Variants in ZNF626 observed in about 807,000 individuals in gnomAD.
The protein encoded by ZNF626 is CTC-513N18.7.
Under a neutral mutation model 11.7 loss-of-function variants are expected in ZNF626, and 4 were observed. That is an observed-to-expected ratio of 0.34 (90% CI 0.17 to 0.78). The LOEUF (loss-of-function observed/expected upper bound fraction) is 0.78. Among genes scored for constraint, ZNF626 ranks in the 30% least tolerant of loss-of-function variants. ZNF626 has a pLI of 0.57. For synonymous variants in ZNF626, 179 were observed against 198.6 expected (o/e 0.90, Z 0.83); for missense variants, 588 against 587.1 (o/e 1.00, Z -0.01).
chr19:20,629,115 G>C (rs555897293), intron 3 of ZNF626, among the ~76,000 whole-genome samples: 1 of 152,220 alleles, frequency 6.6e-6, no homozygotes, highest in East Asian at 1.9e-4. Flanking sequence ...TTATTTCTGA[G>C]GGCTCTGTTC....
At chr19:20,655,093 CAG>C (rs1970190408) in intron 1 of ZNF626, among the ~76,000 whole-genome samples, 1 of 139,016 alleles carries the variant, frequency 7.2e-6, no homozygotes, top group African/African-American at 2.9e-5. Context: ...GCCTCGGCAA[CAG>C]AGTGAGACTG....
At position 20,655,260 on chromosome 19, in the gene ZNF626, C is replaced by T. The variant is rs530831734; in HGVS notation, c.3+6184G>A. On this transcript the variant is annotated intron_variant, in intron 1 of 3. Transcript: ENST00000601440. The stretch of plus-strand genomic sequence containing the variant: ...TTATACCCTGAACTGTTCTTGCTTT[C>T]GCAGTATAAGTACTTCAGCCTGCAA... Among the ~76,000 whole-genome samples the T allele has an allele frequency of 4.6e-5, 7 of 152,294 alleles. No individual in the cohort carries two copies. In the South Asian group the frequency reaches 1.5e-3, roughly 32 times the overall value.
At chr19:20,652,452 T>G (rs1434067630) in intron 1 of ZNF626, among the ~76,000 whole-genome samples, 1 of 152,124 alleles carries the variant, frequency 6.6e-6, no homozygotes, top group Non-Finnish European at 1.5e-5. Context: ...GTAAAGACAA[T>G]AAGAGAAACA....
intron 3 of ZNF626, among the ~76,000 whole-genome samples, chr19:20,626,080 A>G (rs1414465673): frequency 6.9e-6 from 1 of 145,806 alleles, no homozygotes. Flanking sequence ...GGCAAAGATG[A>G]TGAAATTCAA....
intron 1 of ZNF626, among the ~76,000 whole-genome samples, chr19:20,660,647 C>G (rs1010874786): frequency 6.6e-6 from 1 of 152,148 alleles, no homozygotes. Context: ...TGGTCTAGAA[C>G]TCCTGACCAC....
At chr19:20,660,077 C>G (rs1247885894) in intron 1 of ZNF626, among the ~76,000 whole-genome samples, 1 of 151,802 alleles carries the variant, frequency 6.6e-6, no homozygotes, top group Non-Finnish European at 1.5e-5. Context: ...GCCTGACAAA[C>G]ATGGAGAAAA....
rs911881253 is a variant in ZNF626, at chr19:20,624,186, G to A, written c.*104C>T. ...CTTTGCCACATTCTTCACATCTGTA[G>A]GGTTTTTTTCCAGTATGAATTTTCT... On this transcript the variant is annotated 3_prime_UTR_variant, in exon 4 of 4. Transcript: ENST00000601440. 11 of 1,577,354 alleles carry A rather than the reference G, an allele frequency of 7.0e-6. No homozygotes were observed. The African/African-American group carries it at 1.3e-4, about 19-fold the overall frequency.
At chr19:20,630,423 T>C (rs1261424633) in intron 3 of ZNF626, among the ~76,000 whole-genome samples, 1 of 152,118 alleles carries the variant, frequency 6.6e-6, no homozygotes, top group Admixed American at 6.5e-5. Flanking sequence ...CTTTTTTTGA[T>C]TGGTAAGCTA....
At chr19:20,656,683 TAAAA>T in intron 1 of ZNF626, among the ~76,000 whole-genome samples, 1 of 143,766 alleles carries the variant, frequency 7.0e-6, no homozygotes, top group African/African-American at 2.5e-5. Flanking sequence ...CAAGCATTAT[TAAAA>T]AAAAAAAAAA....
chr19:20,649,986 G>GA (rs1340898711), intron 1 of ZNF626, among the ~76,000 whole-genome samples: 2 of 152,112 alleles, frequency 1.3e-5, no homozygotes, highest in Non-Finnish European at 2.9e-5. Flanking sequence ...AAAGTTTACA[G>GA]AAAAAACAGA....
At chr19:20,655,638 A>G (rs1253926071) in intron 1 of ZNF626, among the ~76,000 whole-genome samples, 2 of 152,146 alleles carry the variant, frequency 1.3e-5, no homozygotes, top group Non-Finnish European at 2.9e-5. Context: ...AAGAGGGAAT[A>G]GCGGCCAGGC....
intron 3 of ZNF626, among the ~76,000 whole-genome samples, chr19:20,626,550 T>C (rs1025344612): frequency 6.6e-6 from 1 of 151,956 alleles, no homozygotes; most frequent in Non-Finnish European, 1.5e-5. Flanking sequence ...AAACCCTGTA[T>C]CTACTAAAAA....
At chr19:20,627,931 C>A (rs1969858660) in intron 3 of ZNF626, among the ~76,000 whole-genome samples, 1 of 152,190 alleles carries the variant, frequency 6.6e-6, no homozygotes, top group Non-Finnish European at 1.5e-5. Context: ...CCTCCCCCTG[C>A]CCCTGACGCC....
intron 3 of ZNF626, among the ~76,000 whole-genome samples, chr19:20,641,135 C>CA (rs141617081): frequency 0.015 from 1,720 of 111,682 alleles, 26 homozygotes; most frequent in Non-Finnish European, 0.022. Context: ...GACTCCATCT[C>CA]AAAAAAAAAA....
chr19:20,624,350 T>G lies in ZNF626; in HGVS notation c.1527A>C (p.Thr509=). Residue 509 remains threonine, a synonymous_variant, in exon 4 of 4, where the codon ACA becomes ACC. Transcript: ENST00000601440. Reference sequence around the variant, plus strand: ...AAGGCTTTGCCACATTCTTCACATTTGTAGAATTTCTCTCCAGTATGATTC... The same window carrying G: ...AAGGCTTTGCCACATTCTTCACATTGGTAGAATTTCTCTCCAGTATGATTC... ...HERIILERNS[T]NVKNVAKPSS... The G allele has an allele frequency of 6.9e-7, 1 of 1,449,426 alleles. No homozygotes were observed. Among genetic ancestry groups the G allele is most frequent in the Non-Finnish European group, 9.2e-7 (1 of 1,083,332 alleles). The allele number at this position is 1,449,426 out of a possible 1,614,324, so 89.8% of individuals were successfully genotyped here.
At chr19:20,647,484 GTT>G (rs71174723) in intron 1 of ZNF626, among the ~76,000 whole-genome samples, 5 of 122,796 alleles carry the variant, frequency 4.1e-5, no homozygotes, top group African/African-American at 2.9e-5. Context: ...TAGGACAATG[GTT>G]TTTTTTTTTT....
intron 1 of ZNF626, among the ~76,000 whole-genome samples, chr19:20,648,687 T>C (rs561676226): frequency 6.6e-6 from 1 of 152,286 alleles, no homozygotes; most frequent in East Asian, 1.9e-4. Context: ...AGCATTTTCT[T>C]AATCCTCTTC....
In ZNF626 at chr19:20,625,090, C is replaced by CA. The variant is rs1555769377; in HGVS notation, c.786dup (p.Gly263TrpfsTer11). 6 of 1,613,312 alleles carry CA rather than the reference C, an allele frequency of 3.7e-6. No individual in the cohort carries two copies. The South Asian group carries it at 5.5e-5, about 15-fold the overall frequency. On this transcript the variant is annotated frameshift_variant, in exon 4 of 4. Coordinates refer to ENST00000601440, the MANE Select transcript of ZNF626 (RefSeq NM_001076675.3). LOFTEE classifies it low-confidence loss of function (END_TRUNC). ...GTTGAGGATGACATAAAGGCTTTGC[C>CA]ACATTTATCACACTTGTAGGGTTTC...
At chr19:20,650,693 T>C (rs924580078) in intron 1 of ZNF626, among the ~76,000 whole-genome samples, 6 of 152,076 alleles carry the variant, frequency 3.9e-5, no homozygotes, top group Admixed American at 6.5e-5. Flanking sequence ...GTTCTCTATG[T>C]CACTGGGGTA....
Sources: gnomAD v4.1 joint callset for allele counts (sites outside exome capture counted in the v4.1 genomes callset) on GRCh38, gnomAD v4.1.1 for gene constraint, MANE v1.5 for transcripts, NCBI Gene and HGNC (gene_info 2026-07-23, HGNC 2026-07-21) for gene names.